HDGFL3: variants seen among roughly 807,000 people sequenced by gnomAD.
The protein encoded by HDGFL3 is hepatoma-derived growth factor-related protein 3.
Under a neutral mutation model 27.6 loss-of-function variants are expected in HDGFL3, and 6 were observed. That is an observed-to-expected ratio of 0.22 (90% confidence interval 0.12 to 0.43). The LOEUF is 0.43. HDGFL3 is among the 20% of genes least tolerant of loss of function. The pLI, the probability that HDGFL3 is intolerant of heterozygous loss-of-function variation, is 1.00. For synonymous variants in HDGFL3, 88 were observed against 88.9 expected, an observed-to-expected ratio of 0.99 and a Z score of 0.05; for missense variants, 207 against 250.1, an observed-to-expected ratio of 0.83 and a Z score of 1.16.
intron 5 of HDGFL3, among the ~76,000 whole-genome samples, chr15:83,146,261 T>C (rs970627992): frequency 9.2e-5 from 14 of 152,088 alleles, no homozygotes; most frequent in Admixed American, 8.5e-4. Flanking sequence ...AAAGCAAAAT[T>C]ATGTAGGCAT....
intron 1 of HDGFL3, among the ~76,000 whole-genome samples, chr15:83,193,618 A>T (rs989189281): frequency 3.9e-5 from 6 of 152,200 alleles, no homozygotes; most frequent in African/African-American, 1.4e-4. Flanking sequence ...CAGGAAAAAT[A>T]TGAAAGCAAC....
chr15:83,154,886 T>A (rs890071078), intron 4 of HDGFL3, among the ~76,000 whole-genome samples: 1 of 152,198 alleles, frequency 6.6e-6, no homozygotes, highest in East Asian at 1.9e-4. Flanking sequence ...TCCCCCCTTT[T>A]GAGACAGGGT....
chr15:83,181,601 G>C (rs1433804554), intron 1 of HDGFL3, among the ~76,000 whole-genome samples: 1 of 152,052 alleles, frequency 6.6e-6, no homozygotes, highest in Admixed American at 6.6e-5. Context: ...TCAGCCTTCC[G>C]AGTAGCTGGG....
chr15:83,188,623 A>AT (rs2037474307), intron 1 of HDGFL3, among the ~76,000 whole-genome samples: 2 of 152,108 alleles, frequency 1.3e-5, no homozygotes, highest in African/African-American at 4.8e-5. Context: ...CCATTGACGT[A>AT]TTTTCTTCTC....
intron 3 of HDGFL3, chr15:83,121,940 G>A (rs1387479211): frequency 6.2e-7 from 1 of 1,608,510 alleles, no homozygotes. Flanking sequence ...TAGAACCATT[G>A]GCCTATATTG....
At chr15:83,174,403 A>G (rs1028099180) in intron 1 of HDGFL3, among the ~76,000 whole-genome samples, 2 of 151,858 alleles carry the variant, frequency 1.3e-5, no homozygotes, top group African/African-American at 4.8e-5. Context: ...CTATTGTAAC[A>G]GTTTTTCACA....
At chr15:83,197,256 T>C (rs1291946993) in intron 1 of HDGFL3, among the ~76,000 whole-genome samples, 2 of 152,230 alleles carry the variant, frequency 1.3e-5, no homozygotes, top group Non-Finnish European at 2.9e-5. Flanking sequence ...TCTAATCTTA[T>C]TTCTTTTACT....
intron 5 of HDGFL3, among the ~76,000 whole-genome samples, chr15:83,141,833 T>C (rs2036777639): frequency 6.6e-6 from 1 of 152,182 alleles, no homozygotes. Flanking sequence ...TGAGTGAATA[T>C]TTGGAAGACC....
At chr15:83,188,594 TATTC>T (rs2037473807) in intron 1 of HDGFL3, among the ~76,000 whole-genome samples, 1 of 152,230 alleles carries the variant, frequency 6.6e-6, no homozygotes, top group African/African-American at 2.4e-5. Flanking sequence ...ACTGCATATT[TATTC>T]ATTATGTAAT....
At chr15:83,184,998 T>C (rs2037423855) in intron 1 of HDGFL3, 1 of 152,248 alleles carries the variant, frequency 6.6e-6, no homozygotes, top group Non-Finnish European at 1.5e-5. Flanking sequence ...AAGCTATGTG[T>C]ATGCTGTGGG....
intron 1 of HDGFL3, among the ~76,000 whole-genome samples, chr15:83,167,493 G>T (rs1226366348): frequency 6.6e-6 from 1 of 151,314 alleles, no homozygotes; most frequent in Admixed American, 6.6e-5. Context: ...AGGAGGCGGA[G>T]ATTGCAGTCA....
intron 1 of HDGFL3, among the ~76,000 whole-genome samples, chr15:83,199,038 G>A (rs1387645746): frequency 6.6e-6 from 1 of 152,170 alleles, no homozygotes; most frequent in Non-Finnish European, 1.5e-5. Flanking sequence ...CCGTTAGACT[G>A]CAATCAATCA....
At chr15:83,163,207 A>G (rs534104911) in intron 2 of HDGFL3, among the ~76,000 whole-genome samples, 1 of 152,200 alleles carries the variant, frequency 6.6e-6, no homozygotes, top group African/African-American at 2.4e-5. Flanking sequence ...TGTTTCCTTT[A>G]AAGTCGCAGT....
In HDGFL3 at chr15:83,138,765, C is replaced by T. The variant is rs1290524243; in HGVS notation, c.*505G>A. 2.0e-5 allele frequency: 3 copies of T among 152,154 alleles called. No individual in the cohort carries two copies. Among genetic ancestry groups the T allele is most frequent in the Admixed American group, 2.0e-4 (3 of 15,260 alleles). 9.4% of individuals were successfully genotyped at this position (152,154 alleles called of 1,614,324 possible). On this transcript the variant is annotated 3_prime_UTR_variant, in exon 6 of 6. Coordinates refer to ENST00000299633, the MANE Select transcript of HDGFL3 (RefSeq NM_016073.4). ...AATATGGTTAAACTTTACACATGGC[C>T]TCAAAACTGAAGGACAATTTTAATT... is the stretch of plus-strand genomic sequence containing the variant.
rs976325407 is a variant in HDGFL3, at chr15:83,128,810, A to T, written c.*10460T>A. On this transcript the variant is annotated 3_prime_UTR_variant, in exon 6 of 6. Transcript: ENST00000299633. ...ATTATTTACACTCCTCATCCTCTAC[A>T]TCTAGACCACCACTAAGTCCTTTTT... 3.3e-5 allele frequency: 5 copies of T among 151,786 alleles called. No individual in the cohort carries two copies. The highest frequency in any genetic ancestry group is 4.4e-5 in the Non-Finnish European group (3 of 68,006). 9.4% of individuals were successfully genotyped at this position (151,786 alleles called of 1,614,324 possible).
At chr15:83,198,684 G>A (rs992578803) in intron 1 of HDGFL3, among the ~76,000 whole-genome samples, 35 of 152,192 alleles carry the variant, frequency 2.3e-4, no homozygotes, top group Admixed American at 7.2e-4. Context: ...ACATGGCAAA[G>A]AAGGTCAAAG....
At position 83,129,463 on chromosome 15, in the gene HDGFL3, T is replaced by A. The variant is rs183873680; in HGVS notation, c.*9807A>T. 2 of 152,138 alleles carry A rather than the reference T, an allele frequency of 1.3e-5. No homozygotes were observed. The highest frequency in any genetic ancestry group is 4.8e-5 in the African/African-American group (2 of 41,408). The allele number at this position is 152,138 out of a possible 1,614,324, so 9.4% of individuals were successfully genotyped here. A position where few individuals can be genotyped will look rare whatever the true frequency, so the allele number is the denominator to read the frequency against. On this transcript the variant is annotated 3_prime_UTR_variant, in exon 6 of 6. Coordinates refer to ENST00000299633, the MANE Select transcript of HDGFL3 (RefSeq NM_016073.4). ...CAGAATAAACAGCACAATGGACACA[T>A]AATAATATCTTTTGTAATAGCTCTG...
chr15:83,151,489 C>T, intron 4 of HDGFL3, 128 bp from the exon 5 acceptor site: 1 of 703,388 alleles, frequency 1.4e-6, no homozygotes, highest in Non-Finnish European at 2.3e-6. Flanking sequence ...ACTGACACAA[C>T]ATGTAGTATG....
In HDGFL3 at chr15:83,164,073, A is replaced by G. The variant is rs770739297; in HGVS notation, c.87T>C (p.Ile29=). 14 of 1,597,898 alleles carry G rather than the reference A, an allele frequency of 8.8e-6. No homozygotes were observed. The highest frequency in any genetic ancestry group is 1.2e-5 in the Non-Finnish European group (14 of 1,172,080). The change falls in exon 2 of 6, where the codon ATT becomes ATC. Residue 29 remains isoleucine, a splice_region_variant and synonymous_variant. Transcript: ENST00000299633. ...TCACAGCGCCCTCTGGGAGTTCATC[A>G]ATCTATGAAAGATACATTTAGTTAC... ...MKGYPHWPAR[I]DELPEGAVKP...
Sources: allele counts gnomAD v4.1 joint callset (sites outside exome capture counted in the v4.1 genomes callset), GRCh38; gene constraint gnomAD v4.1.1; transcripts MANE v1.5; gene names NCBI Gene and HGNC (gene_info 2026-07-23, HGNC 2026-07-21).